The following PTPRQ variants were observed in gnomAD, a reference collection of about 807,000 sequenced individuals.
PTPRQ encodes phosphatidylinositol phosphatase PTPRQ.
A neutral mutation model predicts 246.0 loss-of-function variants in PTPRQ; 199 were observed. That is an observed-to-expected ratio of 0.81 (90% confidence interval 0.72 to 0.91). The LOEUF is 0.91. Among genes scored for constraint, PTPRQ ranks in the 40% least tolerant of loss-of-function variants. PTPRQ has a pLI of 0.00. For missense variants in PTPRQ, 2,624 were observed against 2,528.4 expected (o/e 1.04, Z -0.81); for synonymous variants, 869 against 853.2 (o/e 1.02, Z -0.32).
intron 17 of PTPRQ, among the ~76,000 whole-genome samples, chr12:80,522,559 G>A (rs979764722): frequency 3.4e-4 from 52 of 152,140 alleles, no homozygotes; most frequent in African/African-American, 1.2e-3. Flanking sequence ...TTTATTGAGA[G>A]TTTTTAACGT....
intron 25 of PTPRQ, among the ~76,000 whole-genome samples, chr12:80,583,143 A>G (rs1897499765): frequency 6.6e-6 from 1 of 152,136 alleles, no homozygotes; most frequent in South Asian, 2.1e-4. Context: ...CTCTAATTAA[A>G]TTATCCTTCA....
intron 24 of PTPRQ, among the ~76,000 whole-genome samples, chr12:80,547,551 T>C (rs973422300): frequency 6.6e-6 from 1 of 152,148 alleles, no homozygotes; most frequent in African/African-American, 2.4e-5. Context: ...ACACTGTTTT[T>C]CGTGCATTTC....
chr12:80,673,450 A>G lies in PTPRQ; in HGVS notation c.6738+146A>G. 2.3e-6 allele frequency: 3 copies of G among 1,280,622 alleles called. No individual in the cohort carries two copies. The South Asian group carries it at 5.3e-5, about 23-fold the overall frequency. 79.3% of individuals were successfully genotyped at this position (1,280,622 alleles called of 1,614,324 possible). On this transcript the variant is annotated intron_variant, in intron 43 of 44. Coordinates refer to ENST00000644991, the MANE Select transcript of PTPRQ (RefSeq NM_001145026.2). ...ATAAGCCTTTTGGGGAGGATTCGGGAGGGCAGCTGATAGAGATTATAGGAG... is the reference window on the plus strand; with the variant it reads ...ATAAGCCTTTTGGGGAGGATTCGGGGGGGCAGCTGATAGAGATTATAGGAG...
In PTPRQ at chr12:80,598,347, A is replaced by G. The variant is rs140601733; in HGVS notation, c.4610-6712A>G. Among the ~76,000 whole-genome samples the G allele has an allele frequency of 7.1e-3, 1,080 of 152,088 alleles. 13 individuals are homozygous for G. The highest frequency in any genetic ancestry group is 0.035 in the South Asian group (171 of 4,828). Reference sequence around the variant, plus strand: ...ATCACTGGGCTCTAGGAAAACATCCAAACTACAAAAGGATAGCCAGTTATC... The same window carrying G: ...ATCACTGGGCTCTAGGAAAACATCCGAACTACAAAAGGATAGCCAGTTATC... On this transcript the variant is annotated intron_variant, in intron 26 of 44. Coordinates refer to ENST00000644991, the MANE Select transcript of PTPRQ (RefSeq NM_001145026.2).
intron 32 of PTPRQ, 63 bp downstream of exon 32, chr12:80,620,439 C>T: frequency 6.5e-7 from 1 of 1,535,418 alleles, no homozygotes; most frequent in Non-Finnish European, 8.8e-7. Flanking sequence ...TTTCATCCAT[C>T]CATCTGCCTG....
intron 27 of PTPRQ, 28 bp downstream of exon 27, chr12:80,605,208 G>A (rs1490481673): frequency 1.2e-5 from 18 of 1,533,714 alleles, no homozygotes. Context: ...TTCTGTAAAA[G>A]CCAGTATAAA....
intron 25 of PTPRQ, among the ~76,000 whole-genome samples, chr12:80,575,839 C>CAAAAAA (rs201432092): frequency 4.2e-5 from 2 of 47,096 alleles, no homozygotes; most frequent in Admixed American, 2.5e-4. Flanking sequence ...AACCCCATCT[C>CAAAAAA]AAAAAAAAAA....
At chr12:80,467,200 A>G (rs1893454574) in intron 6 of PTPRQ, among the ~76,000 whole-genome samples, 1 of 152,204 alleles carries the variant, frequency 6.6e-6, no homozygotes, top group African/African-American at 2.4e-5. Context: ...GGCGAAGGAC[A>G]TGAACAGACA....
intron 17 of PTPRQ, among the ~76,000 whole-genome samples, chr12:80,527,099 C>A (rs535833500): frequency 6.6e-6 from 1 of 151,932 alleles, no homozygotes. Flanking sequence ...CAACACATGG[C>A]AAACTTTCAG....
chr12:80,528,926 A>AC (rs1318896300), intron 17 of PTPRQ, among the ~76,000 whole-genome samples: 4 of 152,170 alleles, frequency 2.6e-5, no homozygotes, highest in African/African-American at 7.2e-5. Context: ...CCAAAAGCAA[A>AC]CAAGCAAAAC....
At chr12:80,632,464 C>T (rs925078140) in intron 34 of PTPRQ, among the ~76,000 whole-genome samples, 173 bp downstream of exon 34, 2 of 152,076 alleles carry the variant, frequency 1.3e-5, no homozygotes, top group Non-Finnish European at 2.9e-5. Flanking sequence ...AGTGTATATG[C>T]GTTGTGTAGT....
At chr12:80,570,892 T>G (rs1467879114) in intron 25 of PTPRQ, among the ~76,000 whole-genome samples, 1 of 152,160 alleles carries the variant, frequency 6.6e-6, no homozygotes, top group Non-Finnish European at 1.5e-5. Context: ...ATCAGATGGT[T>G]TTAGATGTGT....
At chr12:80,467,799 T>C (rs1893483375) in intron 6 of PTPRQ, among the ~76,000 whole-genome samples, 1 of 151,792 alleles carries the variant, frequency 6.6e-6, no homozygotes, top group Non-Finnish European at 1.5e-5. Flanking sequence ...TAGGTGGGAA[T>C]TGAACAATGA....
At chr12:80,505,434 G>C (rs1192361580) in intron 14 of PTPRQ, among the ~76,000 whole-genome samples, 1 of 151,826 alleles carries the variant, frequency 6.6e-6, no homozygotes, top group Non-Finnish European at 1.5e-5. Flanking sequence ...TTAGAATCTT[G>C]TATATAGTTT....
Position 80,445,721 on chromosome 12 carries a change from A to T in PTPRQ, c.390+4A>T, listed in dbSNP as rs1443737896. ...TGGAACAACATATGAAATTAAGGTA[A>T]TTATTTTGTGTATGACTACTTAGTG... On this transcript the variant is annotated splice_donor_region_variant and intron_variant, in intron 3 of 44. Transcript: ENST00000644991. The T allele has an allele frequency of 4.6e-6, 7 of 1,511,966 alleles. No homozygotes were observed. Among genetic ancestry groups the T allele is most frequent in the Non-Finnish European group, 6.3e-6 (7 of 1,111,484 alleles). 93.7% of individuals were successfully genotyped at this position (1,511,966 alleles called of 1,614,324 possible). A position where few individuals can be genotyped will look rare whatever the true frequency, so the allele number is the denominator to read the frequency against.
chr12:80,531,277 GA>G (rs1213717287), intron 17 of PTPRQ, among the ~76,000 whole-genome samples: 1 of 151,314 alleles, frequency 6.6e-6, no homozygotes, highest in Non-Finnish European at 1.5e-5. Context: ...CATGATAAGA[GA>G]AAAAAATCAG....
At chr12:80,648,655 T>TA (rs1900156282) in intron 35 of PTPRQ, among the ~76,000 whole-genome samples, 1 of 152,082 alleles carries the variant, frequency 6.6e-6, no homozygotes, top group Non-Finnish European at 1.5e-5. Flanking sequence ...ATAATGACAT[T>TA]TATAATAACA....
rs149812346 is a variant in PTPRQ, at chr12:80,640,025, CGTGTGTGTGTGTGTGTGTGTGT to C, written c.5915+4971_5915+4992del. ...TCTTTCTCTGAGGTATGAAGATACA[CGTGTGTGTGTGTGTGTGTGTGT>C]GTGTGTGTGTGTGTGTGTTTAACTT... On this transcript the variant is annotated intron_variant, in intron 35 of 44. Coordinates refer to ENST00000644991, the MANE Select transcript of PTPRQ (RefSeq NM_001145026.2). Among the ~76,000 whole-genome samples, 548 of 143,002 alleles carry C rather than the reference CGTGTGTGTGTGTGTGTGTGTGT, an allele frequency of 3.8e-3. 3 individuals are homozygous for C. Among genetic ancestry groups the C allele is most frequent in the Middle Eastern group, 0.011 (3 of 270 alleles). 93.8% of individuals were successfully genotyped at this position (143,002 alleles called of 152,430 possible).
At position 80,680,104 on chromosome 12, in the gene PTPRQ, A is replaced by G. The variant is rs1165571513; in HGVS notation, c.*1081A>G. 1 of 151,816 alleles carries G rather than the reference A, an allele frequency of 6.6e-6. No individual in the cohort carries two copies. Among genetic ancestry groups the G allele is most frequent in the Non-Finnish European group, 1.5e-5 (1 of 67,858 alleles). The allele number at this position is 151,816 out of a possible 1,614,324, so 9.4% of individuals were successfully genotyped here. ...GCCTCCATCTTATTAAATAGTGACA[A>G]TGTGGTAAGTTTTGAATTACATGAA... On this transcript the variant is annotated 3_prime_UTR_variant, in exon 45 of 45. Coordinates refer to ENST00000644991, the MANE Select transcript of PTPRQ (RefSeq NM_001145026.2).
Sources: allele counts gnomAD v4.1 joint callset (sites outside exome capture counted in the v4.1 genomes callset), GRCh38; gene constraint gnomAD v4.1.1; transcripts MANE v1.5; gene names NCBI Gene and HGNC (gene_info 2026-07-23, HGNC 2026-07-21).